Variants in SNAP25 observed in about 807,000 individuals in gnomAD.
SNAP25 encodes synaptosomal-associated protein 25.
In SNAP25, 3 loss-of-function variants were observed where a neutral mutation model predicts 28.7. The observed-to-expected ratio is 0.10, with a 90% confidence interval of 0.05 to 0.27. The LOEUF (loss-of-function observed/expected upper bound fraction) is 0.27, where lower values mean the gene tolerates loss of function less well. Among genes scored for constraint, SNAP25 ranks in the 10% least tolerant of loss-of-function variants. The probability of loss-of-function intolerance (pLI) is 1.00; values close to 1 mark genes in which losing one functional copy is unlikely to be tolerated. For synonymous variants in SNAP25, 61 were observed against 88.1 expected (o/e 0.69, Z 1.72); for missense variants, 117 against 278.7 (o/e 0.42, Z 4.13).
intron 1 of SNAP25, among the ~76,000 whole-genome samples, chr20:10,227,805 G>A (rs1394921308): frequency 6.6e-6 from 1 of 152,116 alleles, no homozygotes; most frequent in African/African-American, 2.4e-5. Flanking sequence ...AGGATGAAAA[G>A]GATATTTCAT....
At position 10,306,811 on chromosome 20, in the gene SNAP25, A is replaced by G. The variant is rs2064371447; in HGVS notation, c.*614A>G. On this transcript the variant is annotated 3_prime_UTR_variant, in exon 8 of 8. Transcript: ENST00000254976. ...AGCATACTGATGAGACAACACACAC[A>G]CACACAAAACAACAGCAACAACAAC... 1 of 154,698 alleles carries G rather than the reference A, an allele frequency of 6.5e-6. No homozygotes were observed. The highest frequency in any genetic ancestry group is 2.4e-5 in the African/African-American group (1 of 41,520). The allele number at this position is 154,698 out of a possible 1,614,324, so 9.6% of individuals were successfully genotyped here.
rs749136251 is a variant in SNAP25 at position 10,299,424 on chromosome 20, G to T, written c.552+12G>T. 1.2e-6 allele frequency: 2 copies of T among 1,610,076 alleles called. No homozygotes were observed. The highest frequency in any genetic ancestry group is 1.3e-5 in the African/African-American group (1 of 74,884). Reference sequence around the variant, plus strand: ...GGATCATGGAGAAGGTGAGCACGTGGCAGTCAGCAAGTCCCTACTGCGAGT... The same window carrying T: ...GGATCATGGAGAAGGTGAGCACGTGTCAGTCAGCAAGTCCCTACTGCGAGT... On this transcript the variant is annotated intron_variant, in intron 7 of 7. Coordinates refer to ENST00000254976, the MANE Select transcript of SNAP25 (RefSeq NM_130811.4).
chr20:10,292,890 G>A, intron 4 of SNAP25: 3 of 1,604,240 alleles, frequency 1.9e-6, no homozygotes, highest in South Asian at 2.3e-5. Flanking sequence ...AGAACAACTC[G>A]ATCGTGTCGA....
Position 10,297,006 on chromosome 20 carries a change from G to A in SNAP25, c.363G>A (p.Val121=), listed in dbSNP as rs892617924. 1 of 1,612,156 alleles carries A rather than the reference G, an allele frequency of 6.2e-7. No individual in the cohort carries two copies. The highest frequency in any genetic ancestry group is 8.5e-7 in the Non-Finnish European group (1 of 1,179,046). Residue 121 remains valine (V), a synonymous_variant, in exon 6 of 8, where the codon GTG becomes GTA. Coordinates refer to ENST00000254976, the MANE Select transcript of SNAP25 (RefSeq NM_130811.4). ...GVVASQPARV[V]DEREQMAISG... ...TGGCCAGCCAGCCTGCTCGTGTAGTGGACGAACGGGAGCAGATGGCCATCA... is the reference window on the plus strand; with the variant it reads ...TGGCCAGCCAGCCTGCTCGTGTAGTAGACGAACGGGAGCAGATGGCCATCA...
intron 4 of SNAP25, 100 bp downstream of exon 4, chr20:10,284,872 C>T (rs2063845322): frequency 2.2e-6 from 2 of 888,920 alleles, no homozygotes; most frequent in Non-Finnish European, 1.8e-6. Context: ...ACATGTGTTA[C>T]ACATGTACAC....
At chr20:10,283,766 A>G (rs2063824233) in intron 3 of SNAP25, among the ~76,000 whole-genome samples, 1 of 152,210 alleles carries the variant, frequency 6.6e-6, no homozygotes, top group Non-Finnish European at 1.5e-5. Flanking sequence ...CATGAGCTTT[A>G]CTTGAAAAAC....
intron 1 of SNAP25, among the ~76,000 whole-genome samples, chr20:10,272,280 C>T (rs1056915442): frequency 5.3e-5 from 8 of 152,186 alleles, no homozygotes; most frequent in African/African-American, 1.9e-4. Flanking sequence ...ATGAGATTGG[C>T]ATTGTTTGTC....
At chr20:10,276,315 G>C (rs999578833) in intron 2 of SNAP25, among the ~76,000 whole-genome samples, 4 of 152,152 alleles carry the variant, frequency 2.6e-5, no homozygotes, top group African/African-American at 9.7e-5. Flanking sequence ...AAATCAGACA[G>C]AGTAAGAGTA....
chr20:10,248,839 ATAT>A (rs1474302795), intron 1 of SNAP25, among the ~76,000 whole-genome samples: 1 of 152,222 alleles, frequency 6.6e-6, no homozygotes, highest in Non-Finnish European at 1.5e-5. Flanking sequence ...TCATTTCCAG[ATAT>A]TATGATTCAT....
chr20:10,224,670 C>T (rs944286881), intron 1 of SNAP25, among the ~76,000 whole-genome samples: 2 of 151,898 alleles, frequency 1.3e-5, no homozygotes, highest in African/African-American at 2.4e-5. Context: ...CTTATTTTTT[C>T]CCCCCTCAGA....
intron 3 of SNAP25, among the ~76,000 whole-genome samples, chr20:10,278,340 A>G (rs2063725749): frequency 6.6e-6 from 1 of 152,204 alleles, no homozygotes; most frequent in African/African-American, 2.4e-5. Flanking sequence ...GGGTTAATGA[A>G]TCCCAAACTA....
At chr20:10,270,932 G>T (rs2122967248) in intron 1 of SNAP25, among the ~76,000 whole-genome samples, 1 of 152,320 alleles carries the variant, frequency 6.6e-6, no homozygotes, top group Non-Finnish European at 1.5e-5. Flanking sequence ...CAGTTAACAT[G>T]AATTGAACCC....
At position 10,236,597 on chromosome 20, in the gene SNAP25, C is replaced by A. The variant is rs80131488; in HGVS notation, c.-64+17620C>A. Among the ~76,000 whole-genome samples, 151 of 152,220 alleles carry A rather than the reference C, an allele frequency of 9.9e-4. 1 individual carries two copies. The highest frequency in any genetic ancestry group is 3.3e-3 in the African/African-American group (139 of 41,526). ...CATAATGTTAAAAACAATTCTCTGC[C>A]AGTCCTCTGCCCAATGAGCACTTTG... On this transcript the variant is annotated intron_variant, in intron 1 of 7. Coordinates refer to ENST00000254976, the MANE Select transcript of SNAP25 (RefSeq NM_130811.4).
At chr20:10,248,978 G>A (rs555112725) in intron 1 of SNAP25, among the ~76,000 whole-genome samples, 6 of 152,120 alleles carry the variant, frequency 3.9e-5, no homozygotes, top group South Asian at 2.1e-4. Flanking sequence ...TGTTAATTCC[G>A]CTTCACAGAT....
At chr20:10,304,540 A>T (rs1319379791) in intron 7 of SNAP25, among the ~76,000 whole-genome samples, 1 of 152,224 alleles carries the variant, frequency 6.6e-6, no homozygotes, top group African/African-American at 2.4e-5. Flanking sequence ...AATCATAAGG[A>T]AGATAAAATA....
Position 10,293,359 on chromosome 20 carries a change from C to T in SNAP25, c.281+81C>T. 1 of 1,050,070 alleles carries T rather than the reference C, an allele frequency of 9.5e-7. No homozygotes were observed. The highest frequency in any genetic ancestry group is 1.5e-6 in the Non-Finnish European group (1 of 673,516). The allele number at this position is 1,050,070 out of a possible 1,614,324, so 65.0% of individuals were successfully genotyped here. ...TTGACAAGCTCATTCCTGCCAAGCT[C>T]ATAGGCAGGATGAGCATGTGGCATG... On this transcript the variant is annotated intron_variant, in intron 5 of 7. Coordinates refer to ENST00000254976, the MANE Select transcript of SNAP25 (RefSeq NM_130811.4). The surrounding 1 kb of genome is among the most constrained non-coding windows in gnomAD (Gnocchi z 5.6).
intron 3 of SNAP25, among the ~76,000 whole-genome samples, chr20:10,283,123 G>T (rs746866382): frequency 1.3e-5 from 2 of 152,162 alleles, no homozygotes; most frequent in Admixed American, 6.5e-5. Flanking sequence ...TCAGATACTC[G>T]ATAATGATGA....
At chr20:10,235,671 G>A (rs2062905738) in intron 1 of SNAP25, among the ~76,000 whole-genome samples, 1 of 152,200 alleles carries the variant, frequency 6.6e-6, no homozygotes. Context: ...TATTGTGTAT[G>A]TGTCTATGGG....
chr20:10,242,199 GAA>G (rs1361350113), intron 1 of SNAP25, among the ~76,000 whole-genome samples: 1 of 152,198 alleles, frequency 6.6e-6, no homozygotes, highest in Non-Finnish European at 1.5e-5. Context: ...ACCTATGTAA[GAA>G]AGTGAGGGGG....
Sources: allele counts gnomAD v4.1 joint callset (sites outside exome capture counted in the v4.1 genomes callset), GRCh38; gene constraint gnomAD v4.1.1; non-coding constraint Gnocchi (gnomAD v3.1); transcripts MANE v1.5; gene names NCBI Gene and HGNC (gene_info 2026-07-23, HGNC 2026-07-21).